ATR: variants seen among roughly 807,000 people sequenced by gnomAD.
The protein encoded by ATR is ATR checkpoint kinase.
A neutral mutation model predicts 305.3 loss-of-function variants in ATR; 142 were observed. That is an observed-to-expected ratio of 0.47 (90% CI 0.41 to 0.53). ATR has a LOEUF of 0.53. Among genes scored for constraint, ATR ranks in the 20% least tolerant of loss-of-function variants. The pLI is 0.00. For missense variants in ATR, 2,135 were observed against 3,133.1 expected (o/e 0.68, Z 7.60); for synonymous variants, 1,050 against 1,068.1 (o/e 0.98, Z 0.33).
In ATR at chr3:142,561,224, T is replaced by C. The variant is rs757056162; in HGVS notation, c.1349+19A>G. 4 of 1,610,028 alleles carry C rather than the reference T, an allele frequency of 2.5e-6. No individual in the cohort carries two copies. The highest frequency in any genetic ancestry group is 3.4e-6 in the Non-Finnish European group (4 of 1,176,508). On this transcript the variant is annotated intron_variant, in intron 5 of 46. Transcript: ENST00000350721. ...TTTTATTTAATGGCTAAATACAAAC[T>C]GAATGAAGGTCATCATACTCCTCAG...
chr3:142,500,281 C>A (rs903263266), intron 30 of ATR, among the ~76,000 whole-genome samples: 4 of 152,072 alleles, frequency 2.6e-5, no homozygotes, highest in African/African-American at 9.7e-5. Flanking sequence ...AAAATATATA[C>A]CTATTTTTAA....
chr3:142,515,842 T>A (rs2032837995), intron 24 of ATR, among the ~76,000 whole-genome samples: 1 of 152,306 alleles, frequency 6.6e-6, no homozygotes, highest in Middle Eastern at 3.4e-3. Context: ...TGCAACACAC[T>A]GATTACCAAA....
At chr3:142,542,629 A>C in intron 17 of ATR, 36 bp downstream of exon 17, 1 of 1,525,292 alleles carries the variant, frequency 6.6e-7, no homozygotes, top group East Asian at 2.3e-5. Context: ...TTCTGTATGA[A>C]TTCTATCTTA....
intron 24 of ATR, among the ~76,000 whole-genome samples, chr3:142,515,899 G>A (rs1192986333): frequency 2.0e-5 from 3 of 152,100 alleles, no homozygotes; most frequent in African/African-American, 7.2e-5. Flanking sequence ...TTTCTTCCCA[G>A]TGTTATTATC....
chr3:142,538,191 G>A (rs1363532691), intron 19 of ATR, among the ~76,000 whole-genome samples: 2 of 152,086 alleles, frequency 1.3e-5, no homozygotes, highest in African/African-American at 4.8e-5. Flanking sequence ...TCAACTATCT[G>A]CCTTTTGACT....
chr3:142,566,476 T>G (rs576409037), intron 2 of ATR, among the ~76,000 whole-genome samples: 11 of 151,790 alleles, frequency 7.2e-5, no homozygotes, highest in Non-Finnish European at 1.3e-4. Context: ...TTTCTTAAAA[T>G]TAGCTGGGAG....
At chr3:142,546,303 AG>A (rs1330466627) in intron 16 of ATR, among the ~76,000 whole-genome samples, 1 of 152,126 alleles carries the variant, frequency 6.6e-6, no homozygotes, top group Non-Finnish European at 1.5e-5. Flanking sequence ...CCCAGAACTA[AG>A]GGGGGCATTA....
intron 21 of ATR, among the ~76,000 whole-genome samples, chr3:142,533,730 T>TA (rs1212195097): frequency 6.6e-6 from 1 of 152,016 alleles, no homozygotes; most frequent in African/African-American, 2.4e-5. Context: ...AATACTTACT[T>TA]TAAAAAAATC....
At chr3:142,500,575 G>A (rs966747315) in intron 30 of ATR, among the ~76,000 whole-genome samples, 2 of 152,110 alleles carry the variant, frequency 1.3e-5, no homozygotes, top group Non-Finnish European at 2.9e-5. Flanking sequence ...TAAAGTAACA[G>A]AGAGGCTGGA....
chr3:142,481,813 TTTTGA>T (rs1486798437), intron 36 of ATR, among the ~76,000 whole-genome samples: 1 of 151,774 alleles, frequency 6.6e-6, no homozygotes, highest in Non-Finnish European at 1.5e-5. Flanking sequence ...ACTACATTTA[TTTTGA>T]TTTATTTATT....
At chr3:142,544,621 C>CAAAAAAAAAAAAA (rs71153972) in intron 16 of ATR, among the ~76,000 whole-genome samples, 2 of 83,628 alleles carry the variant, frequency 2.4e-5, no homozygotes, top group Non-Finnish European at 4.9e-5. Flanking sequence ...AAGAAAGGAG[C>CAAAAAAAAAAAAA]AAAAAAAAAA....
chr3:142,578,580 A>G (rs2108512281), intron 1 of ATR, 66 bp downstream of exon 1: 1 of 1,533,670 alleles, frequency 6.5e-7, no homozygotes, highest in East Asian at 2.3e-5. Context: ...GGGAGGGGAG[A>G]GCACGTGAAA....
intron 1 of ATR, among the ~76,000 whole-genome samples, chr3:142,568,490 G>A (rs934387977): frequency 6.6e-6 from 1 of 152,238 alleles, no homozygotes; most frequent in Non-Finnish European, 1.5e-5. Context: ...CCCAGTTGGA[G>A]CGGTGAGGAA....
At chr3:142,479,259 A>G (rs2108298248) in intron 36 of ATR, among the ~76,000 whole-genome samples, 1 of 152,254 alleles carries the variant, frequency 6.6e-6, no homozygotes, top group African/African-American at 2.4e-5. Flanking sequence ...TGCTTCCTTC[A>G]GGAGCTCTTT....
intron 21 of ATR, 40 bp from the exon 22 acceptor site, chr3:142,524,239 A>G (rs1337684164): frequency 1.3e-6 from 2 of 1,518,294 alleles, no homozygotes; most frequent in South Asian, 2.3e-5. Flanking sequence ...CGTAATTTCT[A>G]CAAACTAGTA....
chr3:142,462,519 A>C (rs2071041375), intron 41 of ATR, among the ~76,000 whole-genome samples: 1 of 150,720 alleles, frequency 6.6e-6, no homozygotes, highest in Admixed American at 6.6e-5. Flanking sequence ...CCCAAGCTGG[A>C]GTGCAGTGGC....
chr3:142,552,519 A>G (rs1204361993), intron 13 of ATR, among the ~76,000 whole-genome samples: 1 of 151,914 alleles, frequency 6.6e-6, no homozygotes, highest in African/African-American at 2.4e-5. Context: ...AAAATACAAA[A>G]ATTAGCCAGG....
intron 16 of ATR, among the ~76,000 whole-genome samples, chr3:142,543,368 G>A (rs906553731): frequency 5.0e-5 from 6 of 121,050 alleles, no homozygotes; most frequent in African/African-American, 8.6e-5. Flanking sequence ...TCCTCCCTCC[G>A]TCCCTCTTTT....
At chr3:142,478,303 TG>T (rs1359335396) in intron 36 of ATR, among the ~76,000 whole-genome samples, 1 of 152,250 alleles carries the variant, frequency 6.6e-6, no homozygotes, top group African/African-American at 2.4e-5. Context: ...TTGTTCTCGT[TG>T]GTTTCAAAGA....
Sources: gnomAD v4.1 joint callset for allele counts (sites outside exome capture counted in the v4.1 genomes callset) on GRCh38, gnomAD v4.1.1 for gene constraint, MANE v1.5 for transcripts, NCBI Gene and HGNC (gene_info 2026-07-23, HGNC 2026-07-21) for gene names.